CSMD3: variants seen among roughly 807,000 people sequenced by gnomAD.
CSMD3 encodes CUB and Sushi multiple domains 3, also known as CUB and sushi domain-containing protein 3.
A neutral mutation model predicts 435.2 loss-of-function variants in CSMD3; 177 were observed. The observed-to-expected ratio is 0.41, with a 90% CI of 0.36 to 0.46. The LOEUF (loss-of-function observed/expected upper bound fraction) is 0.46, where lower values mean the gene tolerates loss of function less well. Among genes scored for constraint, CSMD3 ranks in the 20% least tolerant of loss-of-function variants. The pLI, the probability that CSMD3 is intolerant of heterozygous loss-of-function variation, is 0.34. For missense variants in CSMD3, 4,265 were observed against 4,504.6 expected (o/e 0.95, Z 1.52); for synonymous variants, 1,656 against 1,520.5 (o/e 1.09, Z -2.07).
At chr8:112,848,201 C>G (rs189877510) in intron 11 of CSMD3, among the ~76,000 whole-genome samples, 1 of 152,174 alleles carries the variant, frequency 6.6e-6, no homozygotes. Flanking sequence ...TTTATCAGAA[C>G]TATATGAAAA....
chr8:112,995,926 A>C (rs1161101749), intron 6 of CSMD3, among the ~76,000 whole-genome samples: 2 of 151,374 alleles, frequency 1.3e-5, no homozygotes, highest in Non-Finnish European at 3.0e-5. Context: ...CTATCTTAGG[A>C]GGTTTAGAAT....
At chr8:112,741,381 T>C (rs1422328838) in intron 13 of CSMD3, among the ~76,000 whole-genome samples, 2 of 151,918 alleles carry the variant, frequency 1.3e-5, no homozygotes, top group East Asian at 3.9e-4. Flanking sequence ...ATCAGGGAAA[T>C]GCAAACCAAA....
chr8:113,001,022 C>CT (rs1346674648), intron 6 of CSMD3, among the ~76,000 whole-genome samples: 1 of 151,916 alleles, frequency 6.6e-6, no homozygotes, highest in African/African-American at 2.4e-5. Flanking sequence ...ATAATTTCTT[C>CT]TTTTTTGGTC....
chr8:112,522,560 A>AAATG lies in CSMD3; in HGVS notation c.4565-5339_4565-5336dup, dbSNP rs951796267. On this transcript the variant is annotated intron_variant, in intron 27 of 70. Coordinates refer to ENST00000297405, the MANE Select transcript of CSMD3 (RefSeq NM_198123.2). ...AGAACTTCTTATTATAGTTAAAAAC[A>AAATG]AATGAATGAATGAATGAATAAATGA... is the stretch of plus-strand genomic sequence containing the variant. Among the ~76,000 whole-genome samples, 17 of 152,010 alleles carry AAATG rather than the reference A, an allele frequency of 1.1e-4. No homozygotes were observed. In the South Asian group the frequency reaches 1.5e-3, roughly 13 times the overall value.
At chr8:112,488,861 G>T (rs966952306) in intron 31 of CSMD3, among the ~76,000 whole-genome samples, 1 of 151,960 alleles carries the variant, frequency 6.6e-6, no homozygotes, top group Admixed American at 6.6e-5. Context: ...TATGTTATAT[G>T]GAGTTTTGGG....
chr8:113,391,818 G>A (rs1048474164), intron 1 of CSMD3, among the ~76,000 whole-genome samples: 5 of 151,738 alleles, frequency 3.3e-5, no homozygotes, highest in Non-Finnish European at 5.9e-5. Flanking sequence ...AGAACTAGAG[G>A]GGCTAGAAGG....
chr8:113,108,635 G>C (rs1368984974), intron 4 of CSMD3, among the ~76,000 whole-genome samples: 1 of 152,020 alleles, frequency 6.6e-6, no homozygotes, highest in Non-Finnish European at 1.5e-5. Context: ...CTTAATGAGT[G>C]AATTTAGCAG....
In CSMD3 at chr8:113,314,661, T is replaced by A. The variant is rs2093895768; in HGVS notation, c.311A>T (p.Gln104Leu). ...TAGAGCAAATGACTGAAAAACAATT[T>A]GTATTCTATTTCGTTCTTCTGCTAT... Reference protein sequence around the residue: ...VIIAEERNRIQIVFQSFALEE... With the variant: ...VIIAEERNRILIVFQSFALEE... The change falls in exon 2 of 71, where the codon CAA (glutamine) becomes CTA (leucine). Residue 104 changes from glutamine (Q) to leucine (L), a missense_variant. Gln to Leu is a moderately radical substitution (Grantham distance 113). Coordinates refer to ENST00000297405, the MANE Select transcript of CSMD3 (RefSeq NM_198123.2). 1 of 1,610,422 alleles carries A rather than the reference T, an allele frequency of 6.2e-7. No individual in the cohort carries two copies. Among genetic ancestry groups the A allele is most frequent in the African/African-American group, 1.3e-5 (1 of 74,828 alleles).
At chr8:113,270,317 G>T (rs4518699) in intron 3 of CSMD3, among the ~76,000 whole-genome samples, 1 of 63,832 alleles carries the variant, frequency 1.6e-5, no homozygotes, top group African/African-American at 9.9e-5. Context: ...TTAAAAAGTC[G>T]GGAAACAACA....
chr8:113,210,603 C>T (rs72687645), intron 3 of CSMD3, among the ~76,000 whole-genome samples: 10,034 of 151,956 alleles, frequency 0.066, 448 homozygotes, highest in Non-Finnish European at 0.095. Context: ...GGCTGTGGGG[C>T]GCAGTGGCTT....
At chr8:112,852,717 T>C (rs2080527662) in intron 11 of CSMD3, among the ~76,000 whole-genome samples, 1 of 151,904 alleles carries the variant, frequency 6.6e-6, no homozygotes, top group Non-Finnish European at 1.5e-5. Flanking sequence ...GGTCAGGAGA[T>C]TGAGACCATC....
chr8:113,034,502 G>A (rs1293186208), intron 5 of CSMD3, among the ~76,000 whole-genome samples: 5 of 145,422 alleles, frequency 3.4e-5, no homozygotes, highest in Admixed American at 1.3e-4. Context: ...AATAAAGAAA[G>A]TAGATTAGTA....
intron 31 of CSMD3, among the ~76,000 whole-genome samples, chr8:112,490,287 C>T (rs1820553548): frequency 6.6e-6 from 1 of 152,098 alleles, no homozygotes; most frequent in African/African-American, 2.4e-5. Flanking sequence ...TGTCAGAAGA[C>T]ATCTATTTGA....
At chr8:112,248,920 C>T (rs2130182290) in intron 63 of CSMD3, among the ~76,000 whole-genome samples, 1 of 152,180 alleles carries the variant, frequency 6.6e-6, no homozygotes, top group African/African-American at 2.4e-5. Context: ...TGGATTGATT[C>T]CAAGAAGCAC....
rs1231692956 is a variant in CSMD3, at chr8:112,685,687, G to A, written c.2201C>T (p.Ser734Phe). The A allele has an allele frequency of 6.2e-7, 1 of 1,613,390 alleles. No individual in the cohort carries two copies. Among genetic ancestry groups the A allele is most frequent in the Non-Finnish European group, 8.5e-7 (1 of 1,179,538 alleles). ...TCCATACCCTTCTGGGTAATCAGGA[G>A]AAAGAACTGTTCCCATTGGTGCAGT... is the stretch of plus-strand genomic sequence containing the variant. ...NFTAPMGTVLSPDYPEGYGNN... is the reference protein window; with the variant it reads ...NFTAPMGTVLFPDYPEGYGNN... The change falls in exon 15 of 71, where the codon TCT (serine) becomes TTT (phenylalanine). Residue 734 changes from serine to phenylalanine, a missense_variant. Ser to Phe is a radical substitution (Grantham distance 155). This residue lies in a region of CSMD3 where 279 missense variants were observed against 369.0 expected (regional missense o/e 0.76). Transcript: ENST00000297405.
rs2131662245 is a variant in CSMD3, at chr8:112,656,299, A to T, written c.2859T>A (p.Asp953Glu). 1 of 1,613,648 alleles carries T rather than the reference A, an allele frequency of 6.2e-7. No individual in the cohort carries two copies. The highest frequency in any genetic ancestry group is 8.5e-7 in the Non-Finnish European group (1 of 1,179,720). ...GCAAGGGTGACAGAAGATTTGGCCC[A>T]TCATGAACTTCCAGAACATCATAAT... ...ELNYDVLEVHDGPNLLSPLLG... is the reference protein window; with the variant it reads ...ELNYDVLEVHEGPNLLSPLLG... Residue 953 changes from aspartate to glutamate, a missense_variant, in exon 18 of 71, where the codon GAT becomes GAA. By Grantham distance (45) the Asp-to-Glu change is conservative. Around this residue, in one of 3 missense-constraint regions of CSMD3, gnomAD observed 3,255 missense variants for 3,380.2 expected, o/e 0.96. Coordinates refer to ENST00000297405, the MANE Select transcript of CSMD3 (RefSeq NM_198123.2).
chr8:112,475,071 T>C (rs113191047), intron 31 of CSMD3, among the ~76,000 whole-genome samples: 1 of 152,204 alleles, frequency 6.6e-6, no homozygotes, highest in East Asian at 1.9e-4. Flanking sequence ...GTATGTCTTA[T>C]GTTAATTTTC....
chr8:112,520,833 T>C (rs1298569613), intron 27 of CSMD3, among the ~76,000 whole-genome samples: 1 of 151,984 alleles, frequency 6.6e-6, no homozygotes, highest in Non-Finnish European at 1.5e-5. Context: ...TCATCCCTTA[T>C]TTTGTTTTAT....
intron 9 of CSMD3, among the ~76,000 whole-genome samples, chr8:112,936,094 T>A (rs1375041552): frequency 1.3e-5 from 2 of 152,128 alleles, no homozygotes; most frequent in East Asian, 3.9e-4. Flanking sequence ...AATGCTAATA[T>A]AGTCTGTTGT....
Sources: gnomAD v4.1 joint callset for allele counts (sites outside exome capture counted in the v4.1 genomes callset) on GRCh38, gnomAD v4.1.1 for gene constraint, gnomAD v4.1.1 regional missense constraint, MANE v1.5 for transcripts, NCBI Gene and HGNC (gene_info 2026-07-23, HGNC 2026-07-21) for gene names.